Variants in RPL35 observed in about 807,000 individuals in gnomAD.
RPL35 encodes large ribosomal subunit protein uL29.
RPL35 carries 2 observed loss-of-function variants against 15.6 expected under a neutral mutation model. That is an observed-to-expected ratio of 0.13 (90% confidence interval 0.05 to 0.40). The LOEUF (loss-of-function observed/expected upper bound fraction) is 0.40. RPL35 is among the 10% of genes least tolerant of loss of function. RPL35 has a pLI of 0.99. For synonymous variants in RPL35, 93 were observed against 67.9 expected (o/e 1.37, Z -1.82); for missense variants, 111 against 164.7 (o/e 0.67, Z 1.79).
chr9:124,859,546 C>T (rs1829163066), intron 3 of RPL35, among the ~76,000 whole-genome samples: 1 of 152,192 alleles, frequency 6.6e-6, no homozygotes, highest in Admixed American at 6.5e-5. Flanking sequence ...CCAGCCAGCC[C>T]CCACAATCAC....
In RPL35 at chr9:124,860,238, C is replaced by T. The variant is rs749189946; in HGVS notation, c.167G>A (p.Arg56His). 2 of 1,613,968 alleles carry T rather than the reference C, an allele frequency of 1.2e-6. No homozygotes were observed. The highest frequency in any genetic ancestry group is 8.5e-7 in the Non-Finnish European group (1 of 1,179,944). ...KIRVVRKSIARVLTVINQTQK... is the reference protein window; with the variant it reads ...KIRVVRKSIAHVLTVINQTQK... ...AGTCTGGTTAATAACTGTGAGAACA[C>T]GGGCAATGGATTTCCGGACGACTCG... Residue 56 changes from arginine (R) to histidine (H), a missense_variant, in exon 3 of 4, where the codon CGT (arginine) becomes CAT (histidine). Coordinates refer to ENST00000348462, the MANE Select transcript of RPL35 (RefSeq NM_007209.4).
rs749204527 is a variant in RPL35 at position 124,858,548 on chromosome 9, G to A, written c.223-481C>T. The A allele has an allele frequency of 3.4e-4, 241 of 713,594 alleles. 1 individual carries two copies. The East Asian group carries it at 5.1e-3, about 15-fold the overall frequency. The allele number at this position is 713,594 out of a possible 1,614,324, so 44.2% of individuals were successfully genotyped here. On this transcript the variant is annotated intron_variant, in intron 3 of 3. Transcript: ENST00000348462. ...CCCACCAGCTGCTGCCTGTATGAAC[G>A]TCCAGCCTCAGAGGCCTGGCTGGCC... is the stretch of plus-strand genomic sequence containing the variant.
intron 3 of RPL35, 28 bp from the exon 4 acceptor site, chr9:124,858,095 A>G (rs1564307689): frequency 1.2e-6 from 2 of 1,608,202 alleles, no homozygotes; most frequent in Non-Finnish European, 1.7e-6. Flanking sequence ...GGGTGAATCC[A>G]AGGACCCAGG....
intron 3 of RPL35, among the ~76,000 whole-genome samples, chr9:124,859,938 CTG>C (rs1484838217): frequency 6.6e-6 from 1 of 152,226 alleles, no homozygotes; most frequent in Non-Finnish European, 1.5e-5. Context: ...GTTTCAAAAA[CTG>C]AGTCTCCAGC....
At chr9:124,858,164 G>A in intron 3 of RPL35, 97 bp from the exon 4 acceptor site, 1 of 1,281,916 alleles carries the variant, frequency 7.8e-7, no homozygotes. Context: ...AGCCACTCAG[G>A]AGGAGGCTGC....
chr9:124,861,571 A>G lies in RPL35; in HGVS notation c.4-16T>C, dbSNP rs775695542. ...TGATCTTGGCCTGCGCGCAAGAGAG[A>G]GTGTGCCTCAGCCAGGCCGCGGGGC... On this transcript the variant is annotated splice_polypyrimidine_tract_variant and intron_variant, in intron 1 of 3. Transcript: ENST00000348462. The G allele has an allele frequency of 6.2e-7, 1 of 1,612,682 alleles. No homozygotes were observed. Among genetic ancestry groups the G allele is most frequent in the Non-Finnish European group, 8.5e-7 (1 of 1,179,448 alleles).
rs759351524 is a variant in RPL35 at position 124,861,924 on chromosome 9, C to A, written c.-12G>T. 6.3e-7 allele frequency: 1 copy of A among 1,599,564 alleles called. No individual in the cohort carries two copies. The highest frequency in any genetic ancestry group is 2.3e-5 in the East Asian group (1 of 44,202). On this transcript the variant is annotated 5_prime_UTR_variant, in exon 1 of 4. Coordinates refer to ENST00000348462, the MANE Select transcript of RPL35 (RefSeq NM_007209.4). ...GCAGCTCTCACCATTGCTGCACAAGCCGCCAACGCCGCCGCCCGCTCCGAG... is the reference window on the plus strand; with the variant it reads ...GCAGCTCTCACCATTGCTGCACAAGACGCCAACGCCGCCGCCCGCTCCGAG...
intron 3 of RPL35, chr9:124,858,559 G>A (rs1829144907): frequency 1.4e-6 from 1 of 712,136 alleles, no homozygotes; most frequent in Non-Finnish European, 2.6e-6. Flanking sequence ...TCCAGCCTCA[G>A]AGGCCTGGCT....
chr9:124,859,591 T>G (rs1829163692), intron 3 of RPL35, among the ~76,000 whole-genome samples: 1 of 152,164 alleles, frequency 6.6e-6, no homozygotes. Flanking sequence ...TGGATGCATG[T>G]GCACACACCG....
intron 1 of RPL35, 51 bp downstream of exon 1, chr9:124,861,859 A>G: frequency 1.3e-6 from 2 of 1,598,084 alleles, no homozygotes; most frequent in Non-Finnish European, 1.7e-6. Context: ...CGCCTTCCCC[A>G]ACCCCCGCGC....
chr9:124,859,997 G>T (rs563378638), intron 3 of RPL35, among the ~76,000 whole-genome samples, 186 bp downstream of exon 3: 29 of 152,332 alleles, frequency 1.9e-4, no homozygotes, highest in African/African-American at 4.8e-4. Context: ...GCAGCCTGAG[G>T]AAGTGGTCTG....
chr9:124,861,794 G>C (rs1829202571), intron 1 of RPL35, 116 bp downstream of exon 1: 3 of 1,420,290 alleles, frequency 2.1e-6, no homozygotes, highest in East Asian at 5.1e-5. Context: ...AGACCATTCT[G>C]CGCGGCGCCC....
intron 3 of RPL35, among the ~76,000 whole-genome samples, chr9:124,859,942 GT>G (rs2131324983): frequency 6.6e-6 from 1 of 152,318 alleles, no homozygotes; most frequent in South Asian, 2.1e-4. Flanking sequence ...CAAAAACTGA[GT>G]CTCCAGCCAG....
At chr9:124,858,406 C>T in intron 3 of RPL35, 3 of 695,990 alleles carry the variant, frequency 4.3e-6, no homozygotes, top group Non-Finnish European at 8.0e-6. Context: ...CACATGACAA[C>T]CTAGTACAGG....
In RPL35 at chr9:124,861,521, T is replaced by C. The variant is rs758233686; in HGVS notation, c.38A>G (p.Lys13Arg). 6.2e-7 allele frequency: 1 copy of C among 1,614,056 alleles called. No homozygotes were observed. Among genetic ancestry groups the C allele is most frequent in the Non-Finnish European group, 8.5e-7 (1 of 1,180,024 alleles). ...KIKARDLRGK[K>R]KEELLKQLDD... ...CAGCTGTTTCAGCAGCTCCTCCTTC[T>C]TCTTCCCGCGAAGATCTCGAGCCTT... The change falls in exon 2 of 4, where the codon AAG (lysine) becomes AGG (arginine). Residue 13 changes from lysine to arginine, a missense_variant. Transcript: ENST00000348462.
intron 1 of RPL35, 149 bp downstream of exon 1, chr9:124,861,761 A>T: frequency 7.5e-7 from 1 of 1,335,426 alleles, no homozygotes; most frequent in Non-Finnish European, 1.0e-6. Flanking sequence ...GCGCCAAGCG[A>T]AGAGGCGGGT....
chr9:124,858,712 C>T (rs1181328780), intron 3 of RPL35, among the ~76,000 whole-genome samples: 1 of 152,250 alleles, frequency 6.6e-6, no homozygotes, highest in East Asian at 1.9e-4. Context: ...CATGGCAGCT[C>T]TCACTGGTCT....
intron 3 of RPL35, among the ~76,000 whole-genome samples, chr9:124,859,592 G>A (rs1829163722): frequency 6.6e-6 from 1 of 152,106 alleles, no homozygotes; most frequent in South Asian, 2.1e-4. Context: ...GGATGCATGT[G>A]CACACACCGT....
rs1588037874 is a variant in RPL35 at position 124,861,493 on chromosome 9, G to A, written c.66C>T (p.Asp22=). 2 of 1,613,964 alleles carry A rather than the reference G, an allele frequency of 1.2e-6. No homozygotes were observed. The highest frequency in any genetic ancestry group is 8.5e-7 in the Non-Finnish European group (1 of 1,179,982). Residue 22 remains aspartate (D), a synonymous_variant, in exon 2 of 4, where the codon GAC becomes GAT. Coordinates refer to ENST00000348462, the MANE Select transcript of RPL35 (RefSeq NM_007209.4). ...KKKEELLKQL[D]DLKVELSQLR... Reference sequence around the variant, plus strand: ...GCTGGGACAGCTCCACCTTCAGGTCGTCCAGCTGTTTCAGCAGCTCCTCCT... The same window carrying A: ...GCTGGGACAGCTCCACCTTCAGGTCATCCAGCTGTTTCAGCAGCTCCTCCT...
Sources: gnomAD v4.1 joint callset for allele counts (sites outside exome capture counted in the v4.1 genomes callset) on GRCh38, gnomAD v4.1.1 for gene constraint, MANE v1.5 for transcripts, NCBI Gene and HGNC (gene_info 2026-07-23, HGNC 2026-07-21) for gene names.